EIPR1: variants seen among roughly 807,000 people sequenced by gnomAD.
The protein encoded by EIPR1 is EARP complex and GARP complex interacting protein 1.
In EIPR1, 25 loss-of-function variants were observed where a neutral mutation model predicts 48.1. The ratio of observed to expected loss-of-function variants is 0.52; its 90% CI spans 0.38 to 0.73. The LOEUF is 0.73. Ranked by LOEUF, EIPR1 falls within the 30% of genes least tolerant of loss-of-function variation. The pLI, the probability that EIPR1 is intolerant of heterozygous loss-of-function variation, is 0.00. For synonymous variants in EIPR1, 204 were observed against 201.9 expected (o/e 1.01, Z -0.09); for missense variants, 415 against 506.2 (o/e 0.82, Z 1.73).
chr2:3,207,423 G>A lies in EIPR1; in HGVS notation c.516+6726C>T, dbSNP rs139687424. Among the ~76,000 whole-genome samples, 574 of 152,316 alleles carry A rather than the reference G, an allele frequency of 3.8e-3. 4 individuals are homozygous for A. Among genetic ancestry groups the A allele is most frequent in the Middle Eastern group, 0.017 (5 of 294 alleles). Reference sequence around the variant, plus strand: ...ACTCTGTGCACCTTCCCACTCACCCGTGCCTGTCCCAGCTATTCCAGCAAA... The same window carrying A: ...ACTCTGTGCACCTTCCCACTCACCCATGCCTGTCCCAGCTATTCCAGCAAA... On this transcript the variant is annotated intron_variant, in intron 5 of 8. Transcript: ENST00000382125.
intron 5 of EIPR1, among the ~76,000 whole-genome samples, chr2:3,205,634 G>A (rs1478796988): frequency 6.6e-6 from 1 of 152,188 alleles, no homozygotes; most frequent in African/African-American, 2.4e-5. Context: ...GGCACCTCTA[G>A]TGCCCATTTG....
At position 3,294,122 on chromosome 2, in the gene EIPR1, T is replaced by C. The variant is rs117768745; in HGVS notation, c.260-36667A>G. Among the ~76,000 whole-genome samples the C allele has an allele frequency of 3.0e-4, 45 of 152,268 alleles. No homozygotes were observed. The South Asian group carries it at 5.0e-3, about 17-fold the overall frequency. On this transcript the variant is annotated intron_variant, in intron 3 of 8. Transcript: ENST00000382125. ...TTTAAAGTCATAAATGATAATCTTA[T>C]TGTGTAGAAGTAATATTGTTCATTA... is the stretch of plus-strand genomic sequence containing the variant.
At chr2:3,337,939 T>C in intron 3 of EIPR1, 78 bp downstream of exon 3, 1 of 1,478,016 alleles carries the variant, frequency 6.8e-7, no homozygotes, top group African/African-American at 1.4e-5. Context: ...TGTCGACCCA[T>C]TAGCAATACA....
chr2:3,375,388 TAA>T lies in EIPR1; in HGVS notation c.42+2258_42+2259del, dbSNP rs55645100. On this transcript the variant is annotated intron_variant, in intron 1 of 8. Coordinates refer to ENST00000382125, the MANE Select transcript of EIPR1 (RefSeq NM_003310.5). ...TAAAACTTAAAATATAATAATAATTTAAAAAAAAAAGAGAGAAAAAAAAGAAA... is the reference window on the plus strand; with the variant it reads ...TAAAACTTAAAATATAATAATAATTTAAAAAAAAGAGAGAAAAAAAAGAAA... Among the ~76,000 whole-genome samples, 70 of 148,304 alleles carry T rather than the reference TAA, an allele frequency of 4.7e-4. 3 individuals carry two copies. In the South Asian group the frequency reaches 7.2e-3, roughly 15 times the overall value.
intron 4 of EIPR1, among the ~76,000 whole-genome samples, chr2:3,239,851 T>C (rs1666537782): frequency 6.6e-6 from 1 of 152,262 alleles, no homozygotes; most frequent in African/African-American, 2.4e-5. Context: ...GGGTCTCTGG[T>C]CCTATGACAT....
chr2:3,346,194 G>A (rs1013564840), intron 2 of EIPR1, among the ~76,000 whole-genome samples: 16 of 152,266 alleles, frequency 1.1e-4, no homozygotes, highest in Admixed American at 9.2e-4. Flanking sequence ...GAGATTCTGG[G>A]CATTGACTCC....
At chr2:3,273,815 C>T (rs778979311) in intron 3 of EIPR1, among the ~76,000 whole-genome samples, 5 of 152,158 alleles carry the variant, frequency 3.3e-5, no homozygotes, top group Non-Finnish European at 7.3e-5. Flanking sequence ...AGCCTGTGAC[C>T]CACGACAAAC....
intron 4 of EIPR1, among the ~76,000 whole-genome samples, chr2:3,215,380 G>A (rs1665596392): frequency 6.6e-6 from 1 of 152,198 alleles, no homozygotes; most frequent in African/African-American, 2.4e-5. Context: ...AGCTGCCACC[G>A]GCCACACCAG....
intron 2 of EIPR1, among the ~76,000 whole-genome samples, chr2:3,344,083 TG>T (rs951808388): frequency 1.3e-5 from 2 of 152,056 alleles, no homozygotes; most frequent in Admixed American, 6.6e-5. Context: ...TAAATAAGAC[TG>T]GATATTAAAA....
intron 3 of EIPR1, chr2:3,301,275 C>T (rs747140930): frequency 3.3e-5 from 5 of 152,230 alleles, no homozygotes; most frequent in Non-Finnish European, 5.9e-5. Context: ...GCAACAAACA[C>T]ACATCTTCTT....
At chr2:3,323,206 G>T (rs773680241) in intron 3 of EIPR1, among the ~76,000 whole-genome samples, 4 of 151,936 alleles carry the variant, frequency 2.6e-5, no homozygotes, top group Non-Finnish European at 5.9e-5. Context: ...CCATATAGGC[G>T]TGTCAGAAGA....
chr2:3,194,290 C>T (rs1664719087), intron 6 of EIPR1, 124 bp from the exon 7 acceptor site: 2 of 1,233,046 alleles, frequency 1.6e-6, no homozygotes, highest in Admixed American at 2.3e-5. Flanking sequence ...GTGCTCTCAT[C>T]CCCTCGGCGT....
chr2:3,347,795 CAGTA>C (rs1670448276), intron 2 of EIPR1, among the ~76,000 whole-genome samples: 3 of 152,350 alleles, frequency 2.0e-5, no homozygotes, highest in East Asian at 1.9e-4. Flanking sequence ...ACACTGAAGA[CAGTA>C]AGAAACAGAA....
rs1163208128 is a variant in EIPR1 at position 3,324,548 on chromosome 2, T to C, written c.259+13469A>G. 3.9e-5 allele frequency among the ~76,000 whole-genome samples: 6 copies of C among 152,342 alleles called. No homozygotes were observed. The East Asian group carries it at 1.2e-3, about 29-fold the overall frequency. On this transcript the variant is annotated intron_variant, in intron 3 of 8. Coordinates refer to ENST00000382125, the MANE Select transcript of EIPR1 (RefSeq NM_003310.5). Reference sequence around the variant, plus strand: ...GGGGGGATTCTCCCATGATGCTAACTCAGGCTTAGGGCAGCCCCTGGCCAC... The same window carrying C: ...GGGGGGATTCTCCCATGATGCTAACCCAGGCTTAGGGCAGCCCCTGGCCAC...
chr2:3,308,445 C>T (rs906444778), intron 3 of EIPR1, among the ~76,000 whole-genome samples: 1 of 151,870 alleles, frequency 6.6e-6, no homozygotes, highest in African/African-American at 2.4e-5. Context: ...GCAGAGAAAA[C>T]ATTTAAAGAC....
intron 3 of EIPR1, among the ~76,000 whole-genome samples, chr2:3,299,603 TTC>T (rs141965173): frequency 0.022 from 3,233 of 145,184 alleles, 88 homozygotes; most frequent in South Asian, 0.063. Context: ...GGAAAATATT[TTC>T]TCTCTCTCTC....
intron 1 of EIPR1, among the ~76,000 whole-genome samples, chr2:3,368,189 C>T (rs1335808123): frequency 6.6e-6 from 1 of 152,228 alleles, no homozygotes; most frequent in Non-Finnish European, 1.5e-5. Context: ...CCCACAGTCT[C>T]TTTGCCCCTC....
chr2:3,297,569 C>T (rs1397901676), intron 3 of EIPR1, among the ~76,000 whole-genome samples: 1 of 152,272 alleles, frequency 6.6e-6, no homozygotes, highest in African/African-American at 2.4e-5. Context: ...TTCTCCCTTG[C>T]ATTCTAGTCC....
chr2:3,249,268 T>C (rs1457515229), intron 4 of EIPR1, among the ~76,000 whole-genome samples: 1 of 152,240 alleles, frequency 6.6e-6, no homozygotes, highest in Non-Finnish European at 1.5e-5. Flanking sequence ...GAGGAAGCTA[T>C]TTGAAACTGG....
Sources: allele counts gnomAD v4.1 joint callset (sites outside exome capture counted in the v4.1 genomes callset), GRCh38; gene constraint gnomAD v4.1.1; transcripts MANE v1.5; gene names NCBI Gene and HGNC (gene_info 2026-07-23, HGNC 2026-07-21).